The following BBS9 variants were observed in gnomAD, a reference collection of about 807,000 sequenced individuals.
BBS9 encodes the protein protein PTHB1.
Under a neutral mutation model 117.7 loss-of-function variants are expected in BBS9, and 89 were observed. That is an observed-to-expected ratio of 0.76 (90% confidence interval 0.64 to 0.90). The LOEUF (loss-of-function observed/expected upper bound fraction) is 0.90, where lower values mean the gene tolerates loss of function less well. Ranked by LOEUF, BBS9 falls within the 40% of genes least tolerant of loss-of-function variation. The probability of loss-of-function intolerance (pLI) is 0.00; values close to 1 mark genes in which losing one functional copy is unlikely to be tolerated. For missense variants in BBS9, 982 were observed against 1,042.2 expected (o/e 0.94, Z 0.80); for synonymous variants, 379 against 370.9 (o/e 1.02, Z -0.25).
intron 6 of BBS9, among the ~76,000 whole-genome samples, chr7:33,257,847 T>C (rs2128313457): frequency 6.6e-6 from 1 of 152,330 alleles, no homozygotes; most frequent in African/African-American, 2.4e-5. Context: ...TGTGGAATTC[T>C]TTTATAAGAA....
intron 19 of BBS9, among the ~76,000 whole-genome samples, chr7:33,397,105 C>T (rs1828105854): frequency 6.6e-6 from 1 of 151,948 alleles, no homozygotes; most frequent in Non-Finnish European, 1.5e-5. Context: ...CTAGAGTCTA[C>T]AAGGAACTTA....
chr7:33,533,855 C>A, intron 20 of BBS9, 99 bp from the exon 21 acceptor site: 1 of 1,376,736 alleles, frequency 7.3e-7, no homozygotes, highest in Non-Finnish European at 1.0e-6. Context: ...AGGTTCCCAA[C>A]ACTTGAACAT....
chr7:33,309,199 G>T (rs576135755), intron 9 of BBS9, among the ~76,000 whole-genome samples: 2 of 152,308 alleles, frequency 1.3e-5, no homozygotes, highest in African/African-American at 4.8e-5. Flanking sequence ...TTACATAGAA[G>T]TAGTTAAAAG....
intron 5 of BBS9, among the ~76,000 whole-genome samples, chr7:33,254,590 T>C (rs899540649): frequency 4.6e-5 from 7 of 152,234 alleles, no homozygotes; most frequent in Admixed American, 4.6e-4. Context: ...ATCACTGTGC[T>C]GTGCATTAGG....
At chr7:33,328,993 T>TTTTATTTA (rs35454084) in intron 9 of BBS9, among the ~76,000 whole-genome samples, 21,677 of 145,316 alleles carry the variant, frequency 0.15, 1,887 homozygotes, top group Admixed American at 0.24. Flanking sequence ...GTTTTCCTTC[T>TTTTATTTA]TTTATTTATT....
chr7:33,407,072 A>G (rs2128808623), intron 19 of BBS9, among the ~76,000 whole-genome samples: 1 of 152,244 alleles, frequency 6.6e-6, no homozygotes, highest in African/African-American at 2.4e-5. Context: ...CAGATACACC[A>G]ATCAGACGTA....
intron 5 of BBS9, among the ~76,000 whole-genome samples, chr7:33,227,060 A>G (rs185319946): frequency 2.0e-4 from 31 of 152,340 alleles, no homozygotes; most frequent in African/African-American, 7.5e-4. Flanking sequence ...ACAATTTTTA[A>G]AAACCACATA....
intron 19 of BBS9, among the ~76,000 whole-genome samples, chr7:33,406,147 T>C (rs572758845): frequency 0.027 from 4,081 of 152,114 alleles, 189 homozygotes; most frequent in African/African-American, 0.092. Flanking sequence ...TGTAGTTGAG[T>C]GGTTTTGAGT....
At chr7:33,410,970 T>TAA (rs935429425) in intron 19 of BBS9, among the ~76,000 whole-genome samples, 13 of 150,408 alleles carry the variant, frequency 8.6e-5, no homozygotes, top group African/African-American at 2.2e-4. Flanking sequence ...TATATATATA[T>TAA]AATCTTGGCC....
chr7:33,270,007 G>A (rs1172406872), intron 7 of BBS9, among the ~76,000 whole-genome samples: 6 of 127,782 alleles, frequency 4.7e-5, no homozygotes, highest in African/African-American at 1.3e-4. Context: ...TGGCGACAGA[G>A]CAAGACTCTG....
intron 21 of BBS9, among the ~76,000 whole-genome samples, chr7:33,593,511 G>C (rs546575676): frequency 1.3e-5 from 2 of 151,932 alleles, no homozygotes; most frequent in Admixed American, 6.6e-5. Flanking sequence ...AGAAAAAACA[G>C]ATGTAATGCA....
chr7:33,403,312 T>A (rs576454567), intron 19 of BBS9, among the ~76,000 whole-genome samples: 111 of 151,626 alleles, frequency 7.3e-4, no homozygotes, highest in African/African-American at 2.3e-3. Context: ...ACTTTATTTT[T>A]TTTTATTTTA....
At chr7:33,405,030 A>G (rs1197744843) in intron 19 of BBS9, among the ~76,000 whole-genome samples, 1 of 152,160 alleles carries the variant, frequency 6.6e-6, no homozygotes, top group Non-Finnish European at 1.5e-5. Context: ...TCAATACCGA[A>G]CTTATTGAGA....
chr7:33,616,025 C>A (rs191312524), intron 21 of BBS9, among the ~76,000 whole-genome samples: 8 of 151,924 alleles, frequency 5.3e-5, no homozygotes, highest in South Asian at 2.1e-4. Context: ...TGTCAGCAGA[C>A]CAGCCTTGCA....
chr7:33,409,757 C>G (rs561457770), intron 19 of BBS9, among the ~76,000 whole-genome samples: 1 of 152,114 alleles, frequency 6.6e-6, no homozygotes, highest in Non-Finnish European at 1.5e-5. Context: ...ATTTTCCTAA[C>G]GATGTTGAAC....
At chr7:33,218,997 G>T (rs544945467) in intron 5 of BBS9, among the ~76,000 whole-genome samples, 1 of 152,246 alleles carries the variant, frequency 6.6e-6, no homozygotes. Flanking sequence ...GCGGGAACCC[G>T]GGCTGCGGGC....
chr7:33,550,693 C>A (rs570091564), intron 21 of BBS9, among the ~76,000 whole-genome samples: 2 of 152,050 alleles, frequency 1.3e-5, no homozygotes, highest in South Asian at 4.2e-4. Flanking sequence ...TGTGTTTATT[C>A]CAATAAATTG....
chr7:33,415,542 C>A (rs1353908979), intron 19 of BBS9, among the ~76,000 whole-genome samples: 1 of 152,154 alleles, frequency 6.6e-6, no homozygotes, highest in African/African-American at 2.4e-5. Context: ...CAGTAAGACA[C>A]CATTTCATCT....
At chr7:33,482,797 CTGT>C (rs1239935760) in intron 19 of BBS9, among the ~76,000 whole-genome samples, 5 of 152,098 alleles carry the variant, frequency 3.3e-5, no homozygotes, top group African/African-American at 4.8e-5. Context: ...AAAGGTCCTC[CTGT>C]TGTTCTGGCC....
Sources: gnomAD v4.1 joint callset for allele counts (sites outside exome capture counted in the v4.1 genomes callset) on GRCh38, gnomAD v4.1.1 for gene constraint, MANE v1.5 for transcripts, NCBI Gene and HGNC (gene_info 2026-07-23, HGNC 2026-07-21) for gene names.